Variants in GEMIN8 observed in about 807,000 individuals in gnomAD.
The protein encoded by GEMIN8 is gem nuclear organelle associated protein 8.
For missense variants in GEMIN8, 185 were observed against 205.9 expected (o/e 0.90, Z 0.62); for synonymous variants, 80 against 78.5 (o/e 1.02, Z -0.10).
chrX:14,011,509 T>C (rs767473888), intron 4 of GEMIN8, among the ~76,000 whole-genome samples: 13 of 100,499 alleles, frequency 1.3e-4, no homozygotes, highest in Non-Finnish European at 1.2e-4. Flanking sequence ...ACCAATCCTA[T>C]GGCTCTCTTT....
At chrX:14,026,043 GACT>G (rs1924675060) in intron 2 of GEMIN8, 94 bp downstream of exon 2, 1 of 746,537 alleles carries the variant, frequency 1.3e-6, no homozygotes, top group Non-Finnish European at 1.6e-6. Flanking sequence ...CACCTTCAGA[GACT>G]ACTACCTCTC....
chrX:14,013,202 A>C (rs1449106766), intron 4 of GEMIN8, among the ~76,000 whole-genome samples: 1 of 112,016 alleles, frequency 8.9e-6, no homozygotes, highest in Admixed American at 9.5e-5. Context: ...CTGTCAAAAC[A>C]AGGTGAGCGC....
At chrX:14,001,370 T>A in the GEMIN8 span, among the ~76,000 whole-genome samples, 1 of 112,537 alleles carries the variant, frequency 8.9e-6, no homozygotes. Flanking sequence ...AGTTAATAAG[T>A]CTTTAATATC....
chrX:14,013,776 G>C (rs1923720995), intron 4 of GEMIN8: 1 of 121,782 alleles, frequency 8.2e-6, no homozygotes, highest in African/African-American at 3.6e-5. Context: ...AGAACTGTGA[G>C]AGAATAAATC....
Position 14,020,466 on chromosome X carries a change from A to G in GEMIN8, c.84T>C (p.Tyr28=). 8.3e-7 allele frequency: 1 copy of G among 1,207,006 alleles called. No individual in the cohort carries two copies. Among genetic ancestry groups the G allele is most frequent in the Non-Finnish European group, 1.1e-6 (1 of 891,035 alleles). The part of the protein sequence containing the change: ...HPVYARYWQH[Y]HQAMAWMQSH... ...TTTGCATCCAAGCCATTGCTTGATG[A>G]TAATGTTGCCAGTATCTTGCATATA... The change falls in exon 4 of 5, where the codon TAT becomes TAC. Residue 28 remains tyrosine, a synonymous_variant. Transcript: ENST00000680255.
At chrX:13,991,738 G>A in the GEMIN8 span, among the ~76,000 whole-genome samples, 4 of 60,002 alleles carry the variant, frequency 6.7e-5, no homozygotes, top group Admixed American at 3.0e-4. Context: ...CCCATCTCCC[G>A]TTTAAACATT....
chrX:14,008,803 G>A lies in GEMIN8; in HGVS notation c.*110C>T. On this transcript the variant is annotated 3_prime_UTR_variant, in exon 5 of 5. Transcript: ENST00000680255. ...GGCCCACTGGGACTGTGGTGAACAT[G>A]CCTGTACCCCAGTACAAAGTCCCCT... is the stretch of plus-strand genomic sequence containing the variant. 3 of 770,363 alleles carry A rather than the reference G, an allele frequency of 3.9e-6. No homozygotes were observed. The allele number at this position is 770,363 out of a possible 1,213,427, so 63.5% of individuals were successfully genotyped here.
chrX:14,022,204 C>T, intron 2 of GEMIN8, among the ~76,000 whole-genome samples: 1 of 109,443 alleles, frequency 9.1e-6, no homozygotes, highest in African/African-American at 3.3e-5. Flanking sequence ...TTGAGGGGAA[C>T]ACATCTTTCC....
chrX:14,024,603 T>C (rs1258168581), intron 2 of GEMIN8, among the ~76,000 whole-genome samples: 3 of 111,361 alleles, frequency 2.7e-5, no homozygotes, highest in African/African-American at 9.8e-5. Context: ...GCTGCTATGT[T>C]AGAAGGCCTC....
At chrX:13,996,785 T>G in the GEMIN8 span, among the ~76,000 whole-genome samples, 1 of 111,649 alleles carries the variant, frequency 9.0e-6, no homozygotes, top group African/African-American at 3.3e-5. Context: ...TCTTGCAATG[T>G]GACTCAAAGC....
chrX:14,005,644 T>C (rs775633775), downstream of GEMIN8, among the ~76,000 whole-genome samples: 2 of 112,136 alleles, frequency 1.8e-5, no homozygotes, highest in Non-Finnish European at 3.8e-5. Flanking sequence ...GGAACCCTAA[T>C]TGATAGCTGT....
downstream of GEMIN8, among the ~76,000 whole-genome samples, chrX:14,005,746 T>A (rs1200567367): frequency 9.7e-6 from 1 of 102,870 alleles, no homozygotes; most frequent in Non-Finnish European, 2.0e-5. Flanking sequence ...ACTTGTGGGA[T>A]CTGATGCTAC....
chrX:13,998,519 T>C, the GEMIN8 span, among the ~76,000 whole-genome samples: 1,108 of 111,165 alleles, frequency 1.0e-2, 7 homozygotes, highest in Middle Eastern at 0.028. Context: ...GCCATGATTG[T>C]AAATTTCCCG....
intron 1 of GEMIN8, among the ~76,000 whole-genome samples, chrX:14,026,814 T>C (rs1360858705): frequency 8.9e-6 from 1 of 112,910 alleles, no homozygotes; most frequent in Non-Finnish European, 1.9e-5. Flanking sequence ...ATCTTCCTTT[T>C]CTACTAGAAT....
chrX:13,996,489 A>G, the GEMIN8 span, among the ~76,000 whole-genome samples: 2 of 111,578 alleles, frequency 1.8e-5, no homozygotes, highest in East Asian at 2.8e-4. Context: ...CTTATTCACT[A>G]TCATGAGAAC....
intron 4 of GEMIN8, among the ~76,000 whole-genome samples, chrX:14,011,923 A>G (rs764223539): frequency 1.8e-3 from 202 of 111,059 alleles, no homozygotes; most frequent in Non-Finnish European, 3.1e-3. Context: ...ACATCTGTGA[A>G]TGATACACAA....
chrX:14,009,474 C>T (rs757097677), intron 4 of GEMIN8, among the ~76,000 whole-genome samples: 1 of 111,420 alleles, frequency 9.0e-6, no homozygotes, highest in Admixed American at 9.5e-5. Flanking sequence ...GGGAGGATGG[C>T]TTGAGCCCAG....
intron 1 of GEMIN8, among the ~76,000 whole-genome samples, chrX:14,027,840 A>G (rs1052763641): frequency 8.9e-6 from 1 of 112,316 alleles, no homozygotes; most frequent in African/African-American, 3.2e-5. Context: ...CAGGAACACA[A>G]CAAGCAATGG....
intron 1 of GEMIN8, among the ~76,000 whole-genome samples, chrX:14,028,006 A>G (rs2147146596): frequency 8.9e-6 from 1 of 112,789 alleles, no homozygotes; most frequent in African/African-American, 3.2e-5. Flanking sequence ...CATAACAGCA[A>G]AAACCATGGC....
Sources: gnomAD v4.1 joint callset for allele counts (sites outside exome capture counted in the v4.1 genomes callset) on GRCh38, gnomAD v4.1.1 for gene constraint, MANE v1.5 for transcripts, NCBI Gene and HGNC (gene_info 2026-07-23, HGNC 2026-07-21) for gene names.